The following WNK3 variants were observed in gnomAD, a reference collection of about 807,000 sequenced individuals.
WNK3 encodes serine/threonine-protein kinase WNK3.
In WNK3, 18 loss-of-function variants were observed where a neutral mutation model predicts 116.7. The ratio of observed to expected loss-of-function variants is 0.15; its 90% CI spans 0.11 to 0.23. WNK3 has a LOEUF of 0.23. Among genes scored for constraint, WNK3 ranks in the 10% least tolerant of loss-of-function variants. The pLI is 1.00. For missense variants in WNK3, 993 were observed against 1,323.8 expected (o/e 0.75, Z 3.88); for synonymous variants, 404 against 469.4 (o/e 0.86, Z 1.80).
rs146454489 is a variant in WNK3 at position 54,246,753 on chromosome X, C to T, written c.3651+1944G>A. Among the ~76,000 whole-genome samples the T allele has an allele frequency of 5.3e-4, 59 of 111,711 alleles. 2 individuals are homozygous for T. The East Asian group carries it at 0.01, about 19-fold the overall frequency. On this transcript the variant is annotated intron_variant, in intron 17 of 23. Transcript: ENST00000354646. ...AATTAAATTAAATTAAAAATTCAGG[C>T]CCTCAGTTGCACTAGTCACATTTCA... is the stretch of plus-strand genomic sequence containing the variant.
intron 22 of WNK3, among the ~76,000 whole-genome samples, chrX:54,205,033 T>A (rs932420672): frequency 8.9e-6 from 1 of 111,895 alleles, no homozygotes; most frequent in African/African-American, 3.2e-5. Context: ...TTGGCCAACA[T>A]GGTGAAACCC....
At chrX:54,204,826 C>T (rs181138007) in intron 22 of WNK3, among the ~76,000 whole-genome samples, 103 of 112,307 alleles carry the variant, frequency 9.2e-4, no homozygotes, top group Middle Eastern at 4.6e-3. Context: ...CACAGTTTTG[C>T]CTATCCGTCT....
intron 1 of WNK3, among the ~76,000 whole-genome samples, chrX:54,351,593 A>G (rs991066088): frequency 7.2e-5 from 8 of 110,882 alleles, no homozygotes; most frequent in Non-Finnish European, 1.3e-4. Flanking sequence ...CAACATAGCA[A>G]GACCTTATCT....
At chrX:54,204,383 G>A (rs1032164742) in intron 22 of WNK3, among the ~76,000 whole-genome samples, 3 of 111,636 alleles carry the variant, frequency 2.7e-5, no homozygotes, top group Admixed American at 9.6e-5. Context: ...CTCCCAAAGT[G>A]CTGAGATTAC....
chrX:54,221,953 T>C (rs1398874450), intron 22 of WNK3, among the ~76,000 whole-genome samples: 9 of 112,030 alleles, frequency 8.0e-5, no homozygotes, highest in Non-Finnish European at 1.5e-4. Flanking sequence ...GGTCAGGAGT[T>C]CGAGACCAGC....
chrX:54,295,756 T>C (rs2068691818), intron 7 of WNK3, among the ~76,000 whole-genome samples: 1 of 111,576 alleles, frequency 9.0e-6, no homozygotes, highest in Admixed American at 9.6e-5. Flanking sequence ...GGTACAATGA[T>C]AGGTCAATGC....
At chrX:54,304,920 C>T (rs1169438297) in intron 5 of WNK3, among the ~76,000 whole-genome samples, 2 of 110,857 alleles carry the variant, frequency 1.8e-5, no homozygotes, top group South Asian at 3.8e-4. Context: ...GCAGATCACC[C>T]GAGGTCAGGA....
chrX:54,240,284 C>A (rs782715013), intron 17 of WNK3, among the ~76,000 whole-genome samples: 2 of 105,079 alleles, frequency 1.9e-5, no homozygotes, highest in Admixed American at 2.1e-4. Context: ...GCCTGGGCAA[C>A]AAGAACGAAA....
chrX:54,237,456 T>C, exon 20 of WNK3: 1 of 1,205,568 alleles, frequency 8.3e-7, no homozygotes, highest in Non-Finnish European at 1.1e-6. Context: ...TAATAAAGGC[T>C]TCTTCACTAG....
At chrX:54,269,172 C>A (rs1214183511) in intron 10 of WNK3, among the ~76,000 whole-genome samples, 1 of 110,557 alleles carries the variant, frequency 9.0e-6, no homozygotes, top group African/African-American at 3.3e-5. Context: ...TAAAAAAAAA[C>A]AACTGGCCTC....
At chrX:54,294,796 T>C (rs1381062505) in exon 8 of WNK3, 1 of 1,207,590 alleles carries the variant, frequency 8.3e-7, no homozygotes, top group Non-Finnish European at 1.1e-6. Flanking sequence ...CGGTCTCTAA[T>C]GGATTTAGCA....
chrX:54,301,890 T>C (rs782312278), intron 5 of WNK3, 31 bp from the exon 6 acceptor site: 5 of 1,046,644 alleles, frequency 4.8e-6, no homozygotes, highest in Non-Finnish European at 6.7e-6. Flanking sequence ...CTAGTAACAA[T>C]GATGCAATTG....
intron 10 of WNK3, among the ~76,000 whole-genome samples, chrX:54,291,391 G>GT (rs2147103987): frequency 8.9e-6 from 1 of 112,163 alleles, no homozygotes; most frequent in African/African-American, 3.2e-5. Context: ...GAAATAACAA[G>GT]TAATTTTTCA....
At chrX:54,236,136 C>T (rs782517731) in intron 20 of WNK3, among the ~76,000 whole-genome samples, 10 of 110,948 alleles carry the variant, frequency 9.0e-5, no homozygotes, top group Non-Finnish European at 1.7e-4. Context: ...TAGACGGAGT[C>T]TTGCTCTGTT....
chrX:54,328,542 G>A (rs189679159), intron 2 of WNK3, among the ~76,000 whole-genome samples: 16 of 109,734 alleles, frequency 1.5e-4, no homozygotes, highest in African/African-American at 4.3e-4. Context: ...GGCATTCGAG[G>A]TTACAGTGAG....
chrX:54,198,730 C>CTT, intron 23 of WNK3, 77 bp from the exon 24 acceptor site: 2 of 726,505 alleles, frequency 2.8e-6, no homozygotes, highest in Non-Finnish European at 3.8e-6. Context: ...CCTTCCTATT[C>CTT]TTTTTTTTTC....
intron 17 of WNK3, among the ~76,000 whole-genome samples, chrX:54,247,694 TAAC>T (rs2068087018): frequency 9.1e-6 from 1 of 110,275 alleles, no homozygotes; most frequent in Admixed American, 9.8e-5. Flanking sequence ...ACTTATATAA[TAAC>T]AAAAATGACA....
chrX:54,329,121 C>G (rs2069138260), intron 2 of WNK3, among the ~76,000 whole-genome samples: 1 of 111,613 alleles, frequency 9.0e-6, no homozygotes, highest in African/African-American at 3.3e-5. Context: ...TGGGTTTGGT[C>G]CCATATTTCA....
chrX:54,315,555 A>G (rs971734146), intron 2 of WNK3, among the ~76,000 whole-genome samples: 1 of 111,537 alleles, frequency 9.0e-6, no homozygotes, highest in Non-Finnish European at 1.9e-5. Context: ...TTAGTTGATT[A>G]GAGATTCTTG....
Sources: allele counts gnomAD v4.1 joint callset (sites outside exome capture counted in the v4.1 genomes callset), GRCh38; gene constraint gnomAD v4.1.1; transcripts MANE v1.5; gene names NCBI Gene and HGNC (gene_info 2026-07-23, HGNC 2026-07-21).